Variants in TNRC6B observed in about 807,000 individuals in gnomAD.
TNRC6B encodes the protein trinucleotide repeat-containing gene 6B protein.
A neutral mutation model predicts 203.6 loss-of-function variants in TNRC6B; 52 were observed. The observed-to-expected ratio is 0.26, with a 90% CI of 0.20 to 0.32. TNRC6B has a LOEUF of 0.32. Ranked by LOEUF, TNRC6B falls within the 10% of genes least tolerant of loss-of-function variation. The pLI is 1.00. For missense variants in TNRC6B, 1,923 were observed against 2,286.2 expected, an observed-to-expected ratio of 0.84 and a Z score of 3.24; for synonymous variants, 838 against 845.7, an observed-to-expected ratio of 0.99 and a Z score of 0.16.
At chr22:40,262,542 A>G (rs2070402875) in intron 4 of TNRC6B, among the ~76,000 whole-genome samples, 1 of 152,220 alleles carries the variant, frequency 6.6e-6, no homozygotes, top group Admixed American at 6.5e-5. Flanking sequence ...TGCCTGTGTT[A>G]TGTTTCCAGA....
intron 1 of TNRC6B, among the ~76,000 whole-genome samples, chr22:40,190,078 T>C (rs933353184): frequency 1.3e-5 from 2 of 152,226 alleles, no homozygotes; most frequent in African/African-American, 4.8e-5. Flanking sequence ...TCTCTTAGTA[T>C]GTATTACAAT....
At chr22:40,132,969 AATAT>A (rs1166468730) in intron 3 of TNRC6B, among the ~76,000 whole-genome samples, 4 of 78,188 alleles carry the variant, frequency 5.1e-5, no homozygotes, top group South Asian at 6.2e-4. Flanking sequence ...AAAAAAAAAA[AATAT>A]ATATATATAT....
intron 3 of TNRC6B, among the ~76,000 whole-genome samples, chr22:40,259,282 T>C (rs2070337004): frequency 6.6e-6 from 1 of 152,116 alleles, no homozygotes; most frequent in African/African-American, 2.4e-5. Flanking sequence ...TGGAGGGCAG[T>C]GGCACGATCT....
intron 1 of TNRC6B, among the ~76,000 whole-genome samples, chr22:40,212,370 G>A (rs942903724): frequency 6.6e-6 from 1 of 152,228 alleles, no homozygotes; most frequent in African/African-American, 2.4e-5. Flanking sequence ...GGAAAGCCTA[G>A]CCTCTTAACC....
intron 1 of TNRC6B, chr22:40,106,774 A>T: frequency 1.2e-6 from 1 of 838,134 alleles, no homozygotes; most frequent in South Asian, 1.3e-5. Context: ...CCCCATTGAT[A>T]CCTCTGATCC....
At chr22:40,072,182 G>T (rs1601797893) in intron 1 of TNRC6B, among the ~76,000 whole-genome samples, 3 of 152,140 alleles carry the variant, frequency 2.0e-5, no homozygotes, top group African/African-American at 7.2e-5. Context: ...AAGTGTCTGA[G>T]TATTATTCAG....
At chr22:40,278,911 T>C (rs2070688842) in intron 9 of TNRC6B, among the ~76,000 whole-genome samples, 1 of 152,216 alleles carries the variant, frequency 6.6e-6, no homozygotes, top group Non-Finnish European at 1.5e-5. Context: ...CAGCTAATTT[T>C]TGTATTTTTA....
At chr22:40,249,117 C>T (rs1405406092) in intron 2 of TNRC6B, among the ~76,000 whole-genome samples, 1 of 152,188 alleles carries the variant, frequency 6.6e-6, no homozygotes, top group Non-Finnish European at 1.5e-5. Context: ...TAAGGGCTTC[C>T]ACATCTCTCA....
At chr22:40,317,150 T>G (rs940320228) in intron 21 of TNRC6B, among the ~76,000 whole-genome samples, 6 of 152,250 alleles carry the variant, frequency 3.9e-5, no homozygotes, top group African/African-American at 1.4e-4. Context: ...TTTCTTAATA[T>G]GGATCTCATG....
chr22:40,166,321 A>C (rs2068919128), intron 4 of TNRC6B, among the ~76,000 whole-genome samples: 1 of 152,236 alleles, frequency 6.6e-6, no homozygotes. Flanking sequence ...ACTTAAAAAA[A>C]TTAACAAATA....
rs1479384773 is a variant in TNRC6B at position 40,331,412 on chromosome 22, C to G, written c.*8171C>G. On this transcript the variant is annotated 3_prime_UTR_variant, in exon 23 of 23. Coordinates refer to ENST00000454349, the MANE Select transcript of TNRC6B (RefSeq NM_001162501.2). ...AACAATTTCACCTCTTCTCCCCACT[C>G]CTATCTTCTAAAGAAATATCAAGCA... 9.6e-6 allele frequency: 3 copies of G among 313,650 alleles called. No homozygotes were observed. The highest frequency in any genetic ancestry group is 5.1e-5 in the Admixed American group (1 of 19,676). 19.4% of individuals were successfully genotyped at this position (313,650 alleles called of 1,614,324 possible).
Position 40,310,833 on chromosome 22 carries a change from T to C in TNRC6B, c.4275T>C (p.Pro1425=). ...NMHKNGAIVA[P]GKTRGGSPYN... The stretch of plus-strand genomic sequence containing the variant: ...TTTTCTCAGGCGCTATAGTGGCCCC[T>C]GGTAAAACCCGGGGAGGGTCACCGT... The change falls in exon 17 of 23, where the codon CCT becomes CCC. Residue 1425 remains proline, a synonymous_variant. Coordinates refer to ENST00000454349, the MANE Select transcript of TNRC6B (RefSeq NM_001162501.2). 1.2e-6 allele frequency: 2 copies of C among 1,612,664 alleles called. No individual in the cohort carries two copies. The highest frequency in any genetic ancestry group is 1.7e-6 in the Non-Finnish European group (2 of 1,179,318).
chr22:40,139,393 G>A (rs1418065148), intron 3 of TNRC6B, among the ~76,000 whole-genome samples: 3 of 148,836 alleles, frequency 2.0e-5, no homozygotes, highest in African/African-American at 7.5e-5. Context: ...GTGCAGTGGT[G>A]CGATCCTGGC....
intron 9 of TNRC6B, among the ~76,000 whole-genome samples, chr22:40,279,527 G>T (rs539448831): frequency 1.3e-5 from 2 of 152,256 alleles, no homozygotes; most frequent in Non-Finnish European, 1.5e-5. Context: ...CAACCACTGT[G>T]CCTCTTTGAT....
chr22:40,287,682 G>A (rs1385325003), intron 12 of TNRC6B, among the ~76,000 whole-genome samples: 1 of 152,112 alleles, frequency 6.6e-6, no homozygotes, highest in Non-Finnish European at 1.5e-5. Flanking sequence ...AGTATCCTTT[G>A]GTATCAGGCT....
Position 40,327,885 on chromosome 22 carries a change from A to G in TNRC6B, c.*4644A>G, listed in dbSNP as rs1252656307. On this transcript the variant is annotated 3_prime_UTR_variant, in exon 23 of 23. Transcript: ENST00000454349. ...TAACTACTTTTTAAAACACTTGATT[A>G]CTAGTGGCTTAGAGGTGTGTACATC... 1 of 151,648 alleles carries G rather than the reference A, an allele frequency of 6.6e-6. No homozygotes were observed. Among genetic ancestry groups the G allele is most frequent in the East Asian group, 1.9e-4 (1 of 5,184 alleles). The allele number at this position is 151,648 out of a possible 1,614,324, so 9.4% of individuals were successfully genotyped here. A position where few individuals can be genotyped will look rare whatever the true frequency, so the allele number is the denominator to read the frequency against.
At chr22:40,170,926 T>TAC (rs1191253423) in intron 4 of TNRC6B, among the ~76,000 whole-genome samples, 19 of 144,216 alleles carry the variant, frequency 1.3e-4, no homozygotes, top group Admixed American at 2.8e-4. Flanking sequence ...TGTGTATATA[T>TAC]ACACCCATAT....
intron 4 of TNRC6B, among the ~76,000 whole-genome samples, chr22:40,161,413 C>T (rs1286902342): frequency 2.0e-5 from 3 of 152,122 alleles, no homozygotes; most frequent in Non-Finnish European, 4.4e-5. Flanking sequence ...GGTCACAGAG[C>T]AGATTCTTGT....
intron 1 of TNRC6B, among the ~76,000 whole-genome samples, chr22:40,062,158 C>T (rs1023805602): frequency 5.9e-5 from 9 of 152,062 alleles, no homozygotes; most frequent in South Asian, 2.1e-4. Flanking sequence ...TTTACTTATA[C>T]GTATGTTATA....
Sources: allele counts gnomAD v4.1 joint callset (sites outside exome capture counted in the v4.1 genomes callset), GRCh38; gene constraint gnomAD v4.1.1; transcripts MANE v1.5; gene names NCBI Gene and HGNC (gene_info 2026-07-23, HGNC 2026-07-21).